Variants in TMEM191C observed in about 807,000 individuals in gnomAD.
TMEM191C encodes transmembrane protein 191C.
In TMEM191C, 26 loss-of-function variants were observed where a neutral mutation model predicts 37.1. The observed-to-expected ratio is 0.70, with a 90% CI of 0.51 to 0.97. The LOEUF is 0.97. Ranked by LOEUF, TMEM191C falls within the 50% of genes least tolerant of loss-of-function variation. The probability of loss-of-function intolerance (pLI) is 0.00; values close to 1 mark genes in which losing one functional copy is unlikely to be tolerated. For missense variants in TMEM191C, 240 were observed against 294.7 expected (o/e 0.81, Z 1.36); for synonymous variants, 115 against 143.7 (o/e 0.80, Z 1.43).
Position 21,469,916 on chromosome 22 carries a change from T to C in TMEM191C, c.*95T>C. 1.4e-6 allele frequency: 2 copies of C among 1,403,364 alleles called. No individual in the cohort carries two copies. The highest frequency in any genetic ancestry group is 1.4e-5 in the South Asian group (1 of 69,840). 86.9% of individuals were successfully genotyped at this position (1,403,364 alleles called of 1,614,324 possible). On this transcript the variant is annotated 3_prime_UTR_variant, in exon 10 of 10. Transcript: ENST00000536718. ...CCTGAGAGTGTAGACCAAGGTTGCC[T>C]AATAAACTCAAGGGATGAAGCTCGT...
At chr22:21,468,542 C>T in intron 4 of TMEM191C, 111 bp downstream of exon 4, 6 of 542,748 alleles carry the variant, frequency 1.1e-5, no homozygotes, top group Non-Finnish European at 1.8e-5. Flanking sequence ...GTGGGCGGGG[C>T]GGGGAATGTG....
chr22:21,467,547 C>G lies in TMEM191C; in HGVS notation c.88C>G (p.Arg30Gly), dbSNP rs1338938861. 1 of 1,465,706 alleles carries G rather than the reference C, an allele frequency of 6.8e-7. No homozygotes were observed. Among genetic ancestry groups the G allele is most frequent in the Non-Finnish European group, 9.0e-7 (1 of 1,109,108 alleles). The allele number at this position is 1,465,706 out of a possible 1,614,324, so 90.8% of individuals were successfully genotyped here. A position where few individuals can be genotyped will look rare whatever the true frequency, so the allele number is the denominator to read the frequency against. The change falls in exon 1 of 10, where the codon CGC (arginine) becomes GGC (glycine). Residue 30 changes from arginine (R) to glycine (G), a missense_variant. Transcript: ENST00000536718. ...QRKQELEKLMRGLEAESESLN... is the reference protein window; with the variant it reads ...QRKQELEKLMGGLEAESESLN... ...GAAGCAGGAGCTAGAGAAGCTGATG[C>G]GCGGGCTCGAGGCCGAGAGCGAGAG...
chr22:21,469,913 G>A lies in TMEM191C; in HGVS notation c.*92G>A. 1 of 1,411,734 alleles carries A rather than the reference G, an allele frequency of 7.1e-7. No homozygotes were observed. Among genetic ancestry groups the A allele is most frequent in the Non-Finnish European group, 9.2e-7 (1 of 1,085,644 alleles). 87.5% of individuals were successfully genotyped at this position (1,411,734 alleles called of 1,614,324 possible). ...TCTCCTGAGAGTGTAGACCAAGGTT[G>A]CCTAATAAACTCAAGGGATGAAGCT... On this transcript the variant is annotated 3_prime_UTR_variant, in exon 10 of 10. Transcript: ENST00000536718.
chr22:21,468,447 C>T lies in TMEM191C; in HGVS notation c.408+16C>T, dbSNP rs1304600087. 1.4e-6 allele frequency: 2 copies of T among 1,462,426 alleles called. No homozygotes were observed. The highest frequency in any genetic ancestry group is 2.4e-5 in the South Asian group (2 of 81,944). The allele number at this position is 1,462,426 out of a possible 1,614,324, so 90.6% of individuals were successfully genotyped here. On this transcript the variant is annotated intron_variant, in intron 4 of 9. Transcript: ENST00000536718. ...GACGCTGCAGGTGCTTGAGCGGGACCCTGAGGTGTTTAGTAGGGGCGGAGC... is the reference window on the plus strand; with the variant it reads ...GACGCTGCAGGTGCTTGAGCGGGACTCTGAGGTGTTTAGTAGGGGCGGAGC...
In TMEM191C at chr22:21,468,428, G is replaced by C. The variant is rs1185329794; in HGVS notation, c.405G>C (p.Leu135=). Residue 135 remains leucine (L), a synonymous_variant, in exon 4 of 10, where the codon CTG becomes CTC. Transcript: ENST00000536718. ...EQQLAAQLVT[L]QNELELAETK... is the part of the protein sequence containing the mutation. Reference sequence around the variant, plus strand: ...AACTCGCAGCCCAATTGGTGACGCTGCAGGTGCTTGAGCGGGACCCTGAGG... The same window carrying C: ...AACTCGCAGCCCAATTGGTGACGCTCCAGGTGCTTGAGCGGGACCCTGAGG... 1.3e-6 allele frequency: 2 copies of C among 1,527,362 alleles called. No individual in the cohort carries two copies. Among genetic ancestry groups the C allele is most frequent in the Admixed American group, 4.0e-5 (2 of 50,386 alleles). 94.6% of individuals were successfully genotyped at this position (1,527,362 alleles called of 1,614,324 possible).
Position 21,467,630 on chromosome 22 carries a change from C to A in TMEM191C, c.155+16C>A. The A allele has an allele frequency of 6.6e-7, 1 of 1,524,762 alleles. No homozygotes were observed. The highest frequency in any genetic ancestry group is 8.7e-7 in the Non-Finnish European group (1 of 1,143,398). 94.5% of individuals were successfully genotyped at this position (1,524,762 alleles called of 1,614,324 possible). A position where few individuals can be genotyped will look rare whatever the true frequency, so the allele number is the denominator to read the frequency against. On this transcript the variant is annotated intron_variant, in intron 1 of 9. Coordinates refer to ENST00000536718, the MANE Select transcript of TMEM191C (RefSeq NM_001388354.1). The stretch of plus-strand genomic sequence containing the variant: ...GGGAGCGGAGGTGCGCGGGGAACGC[C>A]CCTCTACCTGGCGGGCGCGCGAGGG...
Position 21,468,317 on chromosome 22 carries a change from G to A in TMEM191C, c.331-37G>A, listed in dbSNP as rs1391431871. 7.2e-6 allele frequency: 11 copies of A among 1,535,392 alleles called. No individual in the cohort carries two copies. In the African/African-American group the frequency reaches 1.4e-4, roughly 19 times the overall value. On this transcript the variant is annotated intron_variant, in intron 3 of 9. Coordinates refer to ENST00000536718, the MANE Select transcript of TMEM191C (RefSeq NM_001388354.1). ...TCCCCTGACACCCGTTCCTCCAGAA[G>A]CCCGGTAAACCCCGCCCTTACAAGC... is the stretch of plus-strand genomic sequence containing the variant.
Position 21,469,752 on chromosome 22 carries a change from G to A in TMEM191C, c.840G>A (p.Thr280=). ...TCTGGAGCCTCACCTCGGAGACGAC[G>A]CTGCGCCGCCTGCGCTACACGCTGT... ...AWLWSLTSET[T]LRRLRYTLSP... The change falls in exon 10 of 10, where the codon ACG becomes ACA. Residue 280 remains threonine, a synonymous_variant. Transcript: ENST00000536718. The A allele has an allele frequency of 6.5e-7, 1 of 1,531,012 alleles. No individual in the cohort carries two copies. 94.8% of individuals were successfully genotyped at this position (1,531,012 alleles called of 1,614,324 possible).
At chr22:21,468,477 G>A in intron 4 of TMEM191C, 46 bp downstream of exon 4, 13 of 1,257,158 alleles carry the variant, frequency 1.0e-5, no homozygotes, top group Non-Finnish European at 1.4e-5. Context: ...CGGAGCAGCA[G>A]CATGAGCTGG....
chr22:21,469,679 C>A lies in TMEM191C; in HGVS notation c.767C>A (p.Ser256Ter), dbSNP rs1372389070. Residue 256 changes from serine (S) to a stop codon, truncating the protein, a stop_gained, in exon 10 of 10, where the codon TCG becomes TAG. Transcript: ENST00000536718. LOFTEE classifies it high-confidence loss of function. ...CTGCCGCTCCTCTTCCTGGGGCTGT[C>A]GCTGCTCTGGACGGTGCTGTTGGAC... is the stretch of plus-strand genomic sequence containing the variant. ...LTLPLLFLGLSLLWTVLLDPG... is the reference protein window; with the variant it reads ...LTLPLLFLGL 5.3e-6 allele frequency: 8 copies of A among 1,513,600 alleles called. No homozygotes were observed. Among genetic ancestry groups the A allele is most frequent in the African/African-American group, 1.4e-5 (1 of 70,384 alleles). The allele number at this position is 1,513,600 out of a possible 1,614,324, so 93.8% of individuals were successfully genotyped here.
At chr22:21,467,761 G>A in intron 1 of TMEM191C, 133 bp from the exon 2 acceptor site, 3 of 459,066 alleles carry the variant, frequency 6.5e-6, no homozygotes, top group Non-Finnish European at 7.4e-6. Flanking sequence ...TCCACCCAGC[G>A]GACCCAGGTG....
rs1414173456 is a variant in TMEM191C, at chr22:21,468,429, C to T, written c.406C>T (p.Gln136Ter). 5 of 1,526,472 alleles carry T rather than the reference C, an allele frequency of 3.3e-6. No homozygotes were observed. The highest frequency in any genetic ancestry group is 4.4e-6 in the Non-Finnish European group (5 of 1,142,568). 94.6% of individuals were successfully genotyped at this position (1,526,472 alleles called of 1,614,324 possible). ...ACTCGCAGCCCAATTGGTGACGCTG[C>T]AGGTGCTTGAGCGGGACCCTGAGGT... The part of the protein sequence containing the change: ...QQLAAQLVTL[Q>*]NELELAETKC... The change falls in exon 4 of 10, where the codon CAG (glutamine) becomes TAG (stop). Residue 136 changes from glutamine to a stop codon, truncating the protein, a stop_gained and splice_region_variant. Coordinates refer to ENST00000536718, the MANE Select transcript of TMEM191C (RefSeq NM_001388354.1). LOFTEE classifies it high-confidence loss of function.
At position 21,469,520 on chromosome 22, in the gene TMEM191C, C is replaced by T; in HGVS notation, c.690C>T (p.Arg230=). Residue 230 remains arginine (R), a synonymous_variant, in exon 9 of 10, where the codon CGC becomes CGT. Coordinates refer to ENST00000536718, the MANE Select transcript of TMEM191C (RefSeq NM_001388354.1). ...DRETRLFGGP[R]ALAIRRCVLG... The stretch of plus-strand genomic sequence containing the variant: ...AGACGCGGCTGTTCGGCGGCCCTCG[C>T]GCGCTGGCCATCAGGTGAGCCGGGC... The T allele has an allele frequency of 2.2e-6, 3 of 1,356,826 alleles. No individual in the cohort carries two copies. Among genetic ancestry groups the T allele is most frequent in the African/African-American group, 1.5e-5 (1 of 64,976 alleles). The allele number at this position is 1,356,826 out of a possible 1,614,324, so 84.0% of individuals were successfully genotyped here.
intron 3 of TMEM191C, 54 bp from the exon 4 acceptor site, chr22:21,468,298 GAC>G (rs1369224137): frequency 1.3e-6 from 2 of 1,535,048 alleles, no homozygotes; most frequent in African/African-American, 1.4e-5. Context: ...TGTCTCCCCT[GAC>G]ACCCGTTCCT....
In TMEM191C at chr22:21,468,371, G is replaced by A. The variant is rs1258507296; in HGVS notation, c.348G>A (p.Gly116=). 14 of 1,535,242 alleles carry A rather than the reference G, an allele frequency of 9.1e-6. No individual in the cohort carries two copies. Among genetic ancestry groups the A allele is most frequent in the Non-Finnish European group, 1.1e-5 (13 of 1,146,702 alleles). The change falls in exon 4 of 10, where the codon GGG becomes GGA. Residue 116 remains glycine, a synonymous_variant. Coordinates refer to ENST00000536718, the MANE Select transcript of TMEM191C (RefSeq NM_001388354.1). ...ELSSQLFYYG[G]ELQSQKSTEQ... ...GCCCCTAGCTCTTCTACTACGGAGG[G>A]GAACTGCAGAGCCAGAAGAGCACGG...
Position 21,469,501 on chromosome 22 carries a change from G to C in TMEM191C, c.671G>C (p.Arg224Pro). The C allele has an allele frequency of 7.4e-7, 1 of 1,353,744 alleles. No homozygotes were observed. The highest frequency in any genetic ancestry group is 9.4e-7 in the Non-Finnish European group (1 of 1,059,914). The allele number at this position is 1,353,744 out of a possible 1,614,324, so 83.9% of individuals were successfully genotyped here. The change falls in exon 9 of 10, where the codon CGG becomes CCG. Residue 224 changes from arginine to proline, a missense_variant. Transcript: ENST00000536718. ...GGCCCTCTCTCCCCGCAGGAGACGC[G>C]GCTGTTCGGCGGCCCTCGCGCGCTG... ...EEMARADRET[R>P]LFGGPRALAI... is the part of the protein sequence containing the mutation.
chr22:21,467,498 G>T lies in TMEM191C; in HGVS notation c.39G>T (p.Lys13Asn), dbSNP rs890822495. ...ATQELLLQLQ[K>N]DNRDGRQRKQ... is the part of the protein sequence containing the mutation. Reference sequence around the variant, plus strand: ...AGGAGCTGCTGCTGCAGTTGCAGAAGGATAACCGAGATGGTCGCCAGCGGA... The same window carrying T: ...AGGAGCTGCTGCTGCAGTTGCAGAATGATAACCGAGATGGTCGCCAGCGGA... The change falls in exon 1 of 10, where the codon AAG becomes AAT. Residue 13 changes from lysine to asparagine, a missense_variant. This residue lies in a region of TMEM191C where 130 missense variants were observed against 105.7 expected (regional missense o/e 1.23). Transcript: ENST00000536718. The T allele has an allele frequency of 3.7e-5, 20 of 547,086 alleles. No individual in the cohort carries two copies. The highest frequency in any genetic ancestry group is 5.5e-5 in the Non-Finnish European group (18 of 325,946). 33.9% of individuals were successfully genotyped at this position (547,086 alleles called of 1,614,324 possible).
In TMEM191C at chr22:21,467,614, G is replaced by C. The variant is rs1924568491; in HGVS notation, c.155G>C (p.Ser52Thr). 2 of 1,530,216 alleles carry C rather than the reference G, an allele frequency of 1.3e-6. No homozygotes were observed. The highest frequency in any genetic ancestry group is 2.4e-5 in the South Asian group (2 of 83,662). The allele number at this position is 1,530,216 out of a possible 1,614,324, so 94.8% of individuals were successfully genotyped here. A position where few individuals can be genotyped will look rare whatever the true frequency, so the allele number is the denominator to read the frequency against. ...RLQDLSERER[S>T]LLRRRSQAAQ... is the part of the protein sequence containing the mutation. ...CAGGACCTGAGCGAGCGGGAGCGGA[G>C]GTGCGCGGGGAACGCCCCTCTACCT... is the stretch of plus-strand genomic sequence containing the variant. Residue 52 changes from serine (S) to threonine (T), a missense_variant and splice_region_variant, in exon 1 of 10, where the codon AGC (serine) becomes ACC (threonine). By Grantham distance (58) the Ser-to-Thr change is moderately conservative (BLOSUM62 1). This residue lies in a region of TMEM191C where 130 missense variants were observed against 105.7 expected (regional missense o/e 1.23). Transcript: ENST00000536718.
At position 21,469,547 on chromosome 22, in the gene TMEM191C, G is replaced by A; in HGVS notation, c.704+13G>A. 2 of 1,386,578 alleles carry A rather than the reference G, an allele frequency of 1.4e-6. No homozygotes were observed. The highest frequency in any genetic ancestry group is 1.5e-5 in the African/African-American group (1 of 65,448). The allele number at this position is 1,386,578 out of a possible 1,614,324, so 85.9% of individuals were successfully genotyped here. A position where few individuals can be genotyped will look rare whatever the true frequency, so the allele number is the denominator to read the frequency against. ...CGCTGGCCATCAGGTGAGCCGGGCG[G>A]TGGGCGCGGCCGCGGTCCCCCAGGT... On this transcript the variant is annotated intron_variant, in intron 9 of 9. Coordinates refer to ENST00000536718, the MANE Select transcript of TMEM191C (RefSeq NM_001388354.1).
Sources: allele counts gnomAD v4.1 joint callset, GRCh38; gene constraint gnomAD v4.1.1; regional missense constraint gnomAD v4.1.1; transcripts MANE v1.5; gene names NCBI Gene and HGNC (gene_info 2026-07-23, HGNC 2026-07-21).